The following TSHZ3 variants were observed in gnomAD, a reference collection of about 807,000 sequenced individuals.
TSHZ3 encodes teashirt homolog 3.
In TSHZ3, 10 loss-of-function variants were observed where a neutral mutation model predicts 64.5. That is an observed-to-expected ratio of 0.16 (90% CI 0.10 to 0.26). TSHZ3 has a LOEUF of 0.26. Among genes scored for constraint, TSHZ3 ranks in the 10% least tolerant of loss-of-function variants. The pLI is 1.00. For synonymous variants in TSHZ3, 608 were observed against 593.1 expected, an observed-to-expected ratio of 1.03 and a Z score of -0.36; for missense variants, 1,242 against 1,421.7, an observed-to-expected ratio of 0.87 and a Z score of 2.03.
intron 5 of TSHZ3, among the ~76,000 whole-genome samples, chr19:31,202,367 C>T (rs2145150974): frequency 6.6e-6 from 1 of 152,154 alleles, no homozygotes; most frequent in East Asian, 1.9e-4. Flanking sequence ...TATTTACATA[C>T]ATAATACATA....
downstream of TSHZ3, among the ~76,000 whole-genome samples, chr19:31,273,789 C>A (rs985899096): frequency 1.3e-4 from 20 of 152,152 alleles, no homozygotes; most frequent in Non-Finnish European, 2.9e-5. Context: ...AAAGAACAGG[C>A]CAGAAAAGAA....
downstream of TSHZ3, among the ~76,000 whole-genome samples, chr19:31,272,997 G>A (rs149236511): frequency 2.4e-3 from 368 of 152,258 alleles, 1 homozygote; most frequent in African/African-American, 8.4e-3. Flanking sequence ...TGAGCACTAC[G>A]ACAGACGCGG....
chr19:31,208,409 C>T (rs565150192), intron 4 of TSHZ3, among the ~76,000 whole-genome samples: 1 of 152,190 alleles, frequency 6.6e-6, no homozygotes, highest in African/African-American at 2.4e-5. Flanking sequence ...TTTTATCACA[C>T]GCCTGTCTGT....
chr19:31,228,452 G>A (rs554774830), intron 3 of TSHZ3, among the ~76,000 whole-genome samples: 10 of 151,392 alleles, frequency 6.6e-5, no homozygotes, highest in South Asian at 2.1e-4. Flanking sequence ...CATGAGCCCC[G>A]GAGGCAGAGG....
intron 1 of TSHZ3, among the ~76,000 whole-genome samples, chr19:31,301,052 A>G (rs188406233): frequency 7.2e-5 from 11 of 152,272 alleles, no homozygotes; most frequent in Non-Finnish European, 1.0e-4. Flanking sequence ...CCTTAATGCT[A>G]TATCAGAATA....
chr19:31,167,314 T>A (rs1334726875), intron 5 of TSHZ3, among the ~76,000 whole-genome samples: 3 of 152,222 alleles, frequency 2.0e-5, no homozygotes, highest in Non-Finnish European at 4.4e-5. Context: ...CCTCCTAAGC[T>A]AGCCTAGGTA....
chr19:31,251,809 G>C (rs1975847297), intron 1 of TSHZ3, among the ~76,000 whole-genome samples: 1 of 152,194 alleles, frequency 6.6e-6, no homozygotes, highest in Non-Finnish European at 1.5e-5. Flanking sequence ...CTACCACAGA[G>C]CCAGGGCTGA....
intron 5 of TSHZ3, among the ~76,000 whole-genome samples, chr19:31,164,279 C>A (rs757235978): frequency 6.6e-6 from 1 of 152,124 alleles, no homozygotes. Flanking sequence ...TCCTGCACTG[C>A]GAATTCTGGG....
At chr19:31,195,465 A>G (rs2145143654) in intron 5 of TSHZ3, 1 of 152,260 alleles carries the variant, frequency 6.6e-6, no homozygotes, top group African/African-American at 2.4e-5. Context: ...TAAGAGAAAA[A>G]GAAACATCTT....
chr19:31,209,679 A>G (rs914657644), intron 4 of TSHZ3, among the ~76,000 whole-genome samples: 1 of 152,190 alleles, frequency 6.6e-6, no homozygotes, highest in African/African-American at 2.4e-5. Flanking sequence ...AGGCAGTGCT[A>G]GGAAAGCATC....
intron 1 of TSHZ3, among the ~76,000 whole-genome samples, chr19:31,246,899 G>C (rs1203234199): frequency 6.6e-6 from 1 of 151,918 alleles, no homozygotes; most frequent in Non-Finnish European, 1.5e-5. Flanking sequence ...CATATCAAAA[G>C]GACAAAGAAG....
chr19:31,245,921 T>A lies in TSHZ3; in HGVS notation n.64-3046A>T, dbSNP rs188910529. On this transcript the variant is annotated intron_variant and non_coding_transcript_variant, in intron 1 of 6. Transcript: ENST00000651361. ...CGTCCTAAGTCCCAACAATCCTACT[T>A]CTCTGCAGCAACTCTAGGGATGTAT... Among the ~76,000 whole-genome samples, 50 of 152,276 alleles carry A rather than the reference T, an allele frequency of 3.3e-4. No individual in the cohort carries two copies. The East Asian group carries it at 7.3e-3, about 22-fold the overall frequency.
At chr19:31,260,256 C>G (rs142435919) in intron 1 of TSHZ3, among the ~76,000 whole-genome samples, 131 of 152,292 alleles carry the variant, frequency 8.6e-4, no homozygotes, top group African/African-American at 3.0e-3. Flanking sequence ...CCTGCCCAGT[C>G]CCCCCGCCCA....
chr19:31,322,854 T>A lies in TSHZ3; in HGVS notation c.40+26326A>T, dbSNP rs970443721. ...TGAATAAATGAAACTAATTATTTAGTTACCTTCTTCCCAGCCACAAAGCTC... is the reference window on the plus strand; with the variant it reads ...TGAATAAATGAAACTAATTATTTAGATACCTTCTTCCCAGCCACAAAGCTC... On this transcript the variant is annotated intron_variant, in intron 1 of 1. Transcript: ENST00000240587. Among the ~76,000 whole-genome samples, 10 of 152,356 alleles carry A rather than the reference T, an allele frequency of 6.6e-5. 1 individual carries two copies. The highest frequency in any genetic ancestry group is 3.9e-4 in the Admixed American group (6 of 15,304).
intron 1 of TSHZ3, among the ~76,000 whole-genome samples, chr19:31,319,017 A>C (rs1047465143): frequency 6.6e-6 from 1 of 152,330 alleles, no homozygotes; most frequent in Non-Finnish European, 1.5e-5. Context: ...GCTCTGTCTG[A>C]TCAAGGATCC....
chr19:31,300,156 A>G (rs149492446), intron 1 of TSHZ3, among the ~76,000 whole-genome samples: 3 of 152,272 alleles, frequency 2.0e-5, no homozygotes, highest in Admixed American at 2.0e-4. Flanking sequence ...ATTCTGGTAC[A>G]TTGTGATCGA....
chr19:31,177,438 G>A (rs1363600476), intron 5 of TSHZ3, among the ~76,000 whole-genome samples: 1 of 152,148 alleles, frequency 6.6e-6, no homozygotes, highest in Non-Finnish European at 1.5e-5. Flanking sequence ...TCCCAGCCTC[G>A]GGGCTGCTGG....
At chr19:31,153,568 C>T (rs1974267091) in intron 6 of TSHZ3, among the ~76,000 whole-genome samples, 1 of 152,202 alleles carries the variant, frequency 6.6e-6, no homozygotes, top group African/African-American at 2.4e-5. Context: ...CCACATACCA[C>T]GTAGTTGCTA....
At chr19:31,171,137 TG>T (rs1974529224) in intron 5 of TSHZ3, among the ~76,000 whole-genome samples, 1 of 151,986 alleles carries the variant, frequency 6.6e-6, no homozygotes, top group African/African-American at 2.4e-5. Context: ...AATGAGGTGG[TG>T]GGGGAAGAGG....
Sources: allele counts gnomAD v4.1 joint callset (sites outside exome capture counted in the v4.1 genomes callset), GRCh38; gene constraint gnomAD v4.1.1; transcripts MANE v1.5; gene names NCBI Gene and HGNC (gene_info 2026-07-23, HGNC 2026-07-21).